Variants in SUPT3H observed in about 807,000 individuals in gnomAD.
SUPT3H encodes SPT3 homolog, SAGA and STAGA complex component.
Under a neutral mutation model 44.3 loss-of-function variants are expected in SUPT3H, and 44 were observed. That is an observed-to-expected ratio of 0.99 (90% CI 0.78 to 1.28). The LOEUF is 1.28. Among genes scored for constraint, SUPT3H ranks in the 50% most tolerant of loss-of-function variants. The pLI is 0.00. For missense variants in SUPT3H, 380 were observed against 387.1 expected, an observed-to-expected ratio of 0.98 and a Z score of 0.15; for synonymous variants, 124 against 125.6, an observed-to-expected ratio of 0.99 and a Z score of 0.09.
chr6:44,928,258 A>G (rs1275119315), intron 10 of SUPT3H, among the ~76,000 whole-genome samples: 2 of 152,276 alleles, frequency 1.3e-5, no homozygotes, highest in East Asian at 1.9e-4. Flanking sequence ...CATCAAAATC[A>G]CTCAGGACAT....
intron 2 of SUPT3H, among the ~76,000 whole-genome samples, chr6:45,159,697 T>C (rs866470297): frequency 3.3e-5 from 5 of 152,366 alleles, no homozygotes; most frequent in Middle Eastern, 6.8e-3. Flanking sequence ...TTCCTTTCTT[T>C]GTTTAGCTAC....
chr6:45,276,204 T>C (rs1325511788), intron 2 of SUPT3H, among the ~76,000 whole-genome samples: 1 of 152,206 alleles, frequency 6.6e-6, no homozygotes, highest in Admixed American at 6.5e-5. Context: ...CTAAAAACAG[T>C]GTTTGAATAA....
At chr6:45,231,433 C>T (rs1034036121) in intron 2 of SUPT3H, among the ~76,000 whole-genome samples, 1 of 152,172 alleles carries the variant, frequency 6.6e-6, no homozygotes, top group Non-Finnish European at 1.5e-5. Context: ...TCTCTGCTGA[C>T]CTGTAAGGTT....
chr6:45,054,284 A>T (rs1018575173), intron 3 of SUPT3H, among the ~76,000 whole-genome samples: 1 of 152,050 alleles, frequency 6.6e-6, no homozygotes, highest in African/African-American at 2.4e-5. Flanking sequence ...CTTTCTCTGA[A>T]GTAGGTCTTA....
At chr6:44,958,255 A>G (rs1178424028) in intron 7 of SUPT3H, among the ~76,000 whole-genome samples, 1 of 152,188 alleles carries the variant, frequency 6.6e-6, no homozygotes, top group African/African-American at 2.4e-5. Context: ...TTAATCTCAC[A>G]TACTTTTTAT....
At chr6:44,896,237 A>G (rs552683490) in intron 10 of SUPT3H, among the ~76,000 whole-genome samples, 65 of 152,306 alleles carry the variant, frequency 4.3e-4, no homozygotes, top group Non-Finnish European at 5.1e-4. Context: ...TTCCAGCTGT[A>G]TAAGCTCTAA....
At chr6:45,264,746 A>G (rs1005309431) in intron 2 of SUPT3H, among the ~76,000 whole-genome samples, 10 of 152,072 alleles carry the variant, frequency 6.6e-5, no homozygotes, top group African/African-American at 2.2e-4. Flanking sequence ...CCTAACTCTT[A>G]TAATATTTGC....
At chr6:45,078,589 T>A (rs1795331163) in intron 3 of SUPT3H, among the ~76,000 whole-genome samples, 1 of 152,218 alleles carries the variant, frequency 6.6e-6, no homozygotes. Context: ...TTCTTGTAAG[T>A]CTGGTCAAGT....
At chr6:45,280,529 T>C (rs568912329) in intron 2 of SUPT3H, among the ~76,000 whole-genome samples, 2 of 152,110 alleles carry the variant, frequency 1.3e-5, no homozygotes, top group South Asian at 2.1e-4. Flanking sequence ...TAGGTATAGA[T>C]ACAGAACCAC....
chr6:45,121,860 T>G (rs978528772), intron 2 of SUPT3H, among the ~76,000 whole-genome samples: 1 of 151,928 alleles, frequency 6.6e-6, no homozygotes, highest in African/African-American at 2.4e-5. Flanking sequence ...GTTTTTTTAG[T>G]AGAGACGGGG....
chr6:44,858,600 T>C (rs2153424437), intron 10 of SUPT3H, among the ~76,000 whole-genome samples: 1 of 152,340 alleles, frequency 6.6e-6, no homozygotes, highest in Middle Eastern at 3.4e-3. Context: ...ATAAAACTGT[T>C]GGCATTCAAT....
At chr6:44,935,535 T>A (rs1475678020) in intron 9 of SUPT3H, among the ~76,000 whole-genome samples, 1 of 152,164 alleles carries the variant, frequency 6.6e-6, no homozygotes, top group Non-Finnish European at 1.5e-5. Context: ...TTTGCAGAAA[T>A]CTCTCTGGGA....
chr6:45,059,555 C>T lies in SUPT3H; in HGVS notation c.187-38923G>A, dbSNP rs373075288. ...ACAAGGATGCCCTCTCTAATCACTC[C>T]TATTCAACATTGTATTGGAAGTTAT... On this transcript the variant is annotated intron_variant, in intron 3 of 10. Transcript: ENST00000371459. Among the ~76,000 whole-genome samples, 46 of 152,232 alleles carry T rather than the reference C, an allele frequency of 3.0e-4. 1 individual carries two copies. The highest frequency in any genetic ancestry group is 1.4e-3 in the East Asian group (7 of 5,182).
chr6:45,178,592 C>T (rs983967931), intron 2 of SUPT3H, among the ~76,000 whole-genome samples: 5 of 151,938 alleles, frequency 3.3e-5, no homozygotes, highest in South Asian at 2.1e-4. Context: ...AACTCTCCAC[C>T]CCAAATCAAC....
chr6:44,874,839 C>T (rs1380988496), intron 10 of SUPT3H, among the ~76,000 whole-genome samples: 1 of 144,740 alleles, frequency 6.9e-6, no homozygotes, highest in African/African-American at 2.6e-5. Context: ...AAATCACAAG[C>T]ATTCTTATAC....
At chr6:45,074,175 G>A in intron 3 of SUPT3H, among the ~76,000 whole-genome samples, 1 of 151,774 alleles carries the variant, frequency 6.6e-6, no homozygotes, top group South Asian at 2.1e-4. Flanking sequence ...AAACAAAAAA[G>A]CTCCACTATC....
At chr6:44,878,317 C>G (rs1024658307) in intron 10 of SUPT3H, among the ~76,000 whole-genome samples, 1 of 152,156 alleles carries the variant, frequency 6.6e-6, no homozygotes, top group Non-Finnish European at 1.5e-5. Flanking sequence ...TGAGAAGATA[C>G]ATGTATTTGT....
At chr6:45,287,121 T>G (rs1466699756) in intron 2 of SUPT3H, among the ~76,000 whole-genome samples, 1 of 151,942 alleles carries the variant, frequency 6.6e-6, no homozygotes. Context: ...AGGGATAGCA[T>G]TAGGAGATAT....
At chr6:44,977,018 A>G (rs1778431532) in intron 6 of SUPT3H, among the ~76,000 whole-genome samples, 1 of 152,202 alleles carries the variant, frequency 6.6e-6, no homozygotes, top group South Asian at 2.1e-4. Flanking sequence ...TTCAGGCTTT[A>G]CTCATGAGTA....
Sources: gnomAD v4.1 joint callset for allele counts (sites outside exome capture counted in the v4.1 genomes callset) on GRCh38, gnomAD v4.1.1 for gene constraint, MANE v1.5 for transcripts, NCBI Gene and HGNC (gene_info 2026-07-23, HGNC 2026-07-21) for gene names.